Variants in ZBBX observed in about 807,000 individuals in gnomAD.
ZBBX encodes the protein zinc finger B-box domain-containing protein 1.
Under a neutral mutation model 108.5 loss-of-function variants are expected in ZBBX, and 101 were observed. The ratio of observed to expected loss-of-function variants is 0.93; its 90% CI spans 0.79 to 1.10. The LOEUF (loss-of-function observed/expected upper bound fraction) is 1.10. Among genes scored for constraint, ZBBX ranks in the 50% least tolerant of loss-of-function variants. ZBBX has a pLI of 0.00. For synonymous variants in ZBBX, 356 were observed against 323.4 expected, an observed-to-expected ratio of 1.10 and a Z score of -1.08; for missense variants, 1,009 against 941.4, an observed-to-expected ratio of 1.07 and a Z score of -0.94.
At chr3:167,191,188 A>G in the ZBBX span, among the ~76,000 whole-genome samples, 1 of 152,362 alleles carries the variant, frequency 6.6e-6, no homozygotes, top group African/African-American at 2.4e-5. Flanking sequence ...CAGTCTCTAA[A>G]GAATCAAGAG....
At chr3:167,245,551 G>A (rs1011064333) in intron 20 of ZBBX, among the ~76,000 whole-genome samples, 19 of 152,084 alleles carry the variant, frequency 1.2e-4, no homozygotes, top group African/African-American at 4.6e-4. Context: ...CAAATCTCAT[G>A]TCAAATTATC....
intron 20 of ZBBX, among the ~76,000 whole-genome samples, chr3:167,250,407 T>A (rs888588941): frequency 2.0e-5 from 3 of 152,128 alleles, no homozygotes; most frequent in Non-Finnish European, 4.4e-5. Context: ...TTCACCAGGG[T>A]GAAACAGCTC....
Position 167,264,110 on chromosome 3 carries a change from A to G in ZBBX, c.2254+18128T>C, listed in dbSNP as rs540020078. Among the ~76,000 whole-genome samples the G allele has an allele frequency of 3.3e-5, 5 of 152,224 alleles. No homozygotes were observed. The East Asian group carries it at 9.7e-4, about 29-fold the overall frequency. ...CAGTTCATGTGTATCTTTCAGGTAAAGTAAGTTTCTTATAGGCAACACATC... is the reference window on the plus strand; with the variant it reads ...CAGTTCATGTGTATCTTTCAGGTAAGGTAAGTTTCTTATAGGCAACACATC... On this transcript the variant is annotated intron_variant, in intron 20 of 21. Coordinates refer to ENST00000675490, the MANE Select transcript of ZBBX (RefSeq NM_001199201.2).
chr3:167,400,983 T>G (rs1748407939), intron 1 of ZBBX, among the ~76,000 whole-genome samples: 2 of 152,140 alleles, frequency 1.3e-5, no homozygotes, highest in Admixed American at 1.3e-4. Context: ...GCTTGACTTT[T>G]CCCTTTAGCT....
chr3:167,373,504 T>G (rs1746479061), intron 3 of ZBBX, among the ~76,000 whole-genome samples: 1 of 152,122 alleles, frequency 6.6e-6, no homozygotes, highest in Non-Finnish European at 1.5e-5. Context: ...GGGGCACCAA[T>G]CCCCCAAAAA....
chr3:167,221,270 A>G, the ZBBX span, among the ~76,000 whole-genome samples: 15 of 72,818 alleles, frequency 2.1e-4, no homozygotes, highest in East Asian at 3.0e-3. Flanking sequence ...AAGTTATACT[A>G]CAGAGCTGTA....
At chr3:167,234,629 C>A in the ZBBX span, among the ~76,000 whole-genome samples, 1 of 151,758 alleles carries the variant, frequency 6.6e-6, no homozygotes, top group African/African-American at 2.4e-5. Context: ...CCACATAATT[C>A]AAACCACATT....
intron 1 of ZBBX, among the ~76,000 whole-genome samples, chr3:167,407,335 A>T (rs1748616463): frequency 6.6e-6 from 1 of 152,174 alleles, no homozygotes; most frequent in South Asian, 2.1e-4. Flanking sequence ...GTCCAATGCT[A>T]ATGTCCATAC....
intron 17 of ZBBX, among the ~76,000 whole-genome samples, chr3:167,301,778 A>C (rs943060582): frequency 5.9e-5 from 9 of 152,002 alleles, no homozygotes; most frequent in Non-Finnish European, 8.8e-5. Context: ...TAACACGATG[A>C]AACCCCATCT....
chr3:167,236,470 A>AT (rs1172213652), downstream of ZBBX, among the ~76,000 whole-genome samples: 1 of 151,830 alleles, frequency 6.6e-6, no homozygotes, highest in Non-Finnish European at 1.5e-5. Context: ...TCATTACTTC[A>AT]TTTGATTTTC....
At chr3:167,388,510 G>A (rs2108635770) in intron 1 of ZBBX, among the ~76,000 whole-genome samples, 1 of 152,090 alleles carries the variant, frequency 6.6e-6, no homozygotes, top group East Asian at 1.9e-4. Flanking sequence ...CAATCTTCCA[G>A]AAAAGACAAT....
At chr3:167,395,410 C>T (rs1020040480) in intron 1 of ZBBX, among the ~76,000 whole-genome samples, 3 of 151,954 alleles carry the variant, frequency 2.0e-5, no homozygotes, top group African/African-American at 7.2e-5. Context: ...TGTACAATAA[C>T]AGGCAGGAGT....
At chr3:167,188,244 CAA>C in the ZBBX span, among the ~76,000 whole-genome samples, 1 of 152,082 alleles carries the variant, frequency 6.6e-6, no homozygotes, top group Non-Finnish European at 1.5e-5. Flanking sequence ...TTTCAATTAT[CAA>C]AACATTCATT....
At chr3:167,297,602 G>A (rs1428964522) in intron 18 of ZBBX, among the ~76,000 whole-genome samples, 9 of 151,912 alleles carry the variant, frequency 5.9e-5, no homozygotes, top group Non-Finnish European at 1.2e-4. Context: ...GCAATCCACA[G>A]AATGGGAGGA....
At position 167,283,789 on chromosome 3, in the gene ZBBX, C is replaced by T. The variant is rs188936974; in HGVS notation, c.1997-1294G>A. 9.1e-3 allele frequency among the ~76,000 whole-genome samples: 1,379 copies of T among 152,130 alleles called. 24 individuals carry two copies. Among genetic ancestry groups the T allele is most frequent in the African/African-American group, 0.031 (1,301 of 41,484 alleles). On this transcript the variant is annotated intron_variant, in intron 19 of 21. Transcript: ENST00000675490. ...GGCTCCCAAGCTGGGATTACAGGCG[C>T]GTGCCACCACACCCAGCTAATTTTT...
the ZBBX span, among the ~76,000 whole-genome samples, chr3:167,234,574 G>A: frequency 8.6e-5 from 13 of 151,916 alleles, no homozygotes; most frequent in East Asian, 1.4e-3. Context: ...GTATAATAGC[G>A]TCCCTTAAAT....
chr3:167,279,015 AT>A (rs1728243084), intron 20 of ZBBX, among the ~76,000 whole-genome samples: 1 of 152,124 alleles, frequency 6.6e-6, no homozygotes, highest in South Asian at 2.1e-4. Flanking sequence ...GATTATCTCA[AT>A]AGATGCAGAA....
At chr3:167,208,723 C>T in the ZBBX span, among the ~76,000 whole-genome samples, 1 of 152,150 alleles carries the variant, frequency 6.6e-6, no homozygotes, top group Admixed American at 6.6e-5. Context: ...TCATATGTGA[C>T]CCAGTGCATA....
chr3:167,306,641 G>A (rs1378622761), intron 16 of ZBBX, among the ~76,000 whole-genome samples: 1 of 152,148 alleles, frequency 6.6e-6, no homozygotes, highest in Non-Finnish European at 1.5e-5. Context: ...TGGAACTCAG[G>A]CATTGGTCTT....
Sources: allele counts gnomAD v4.1 joint callset (sites outside exome capture counted in the v4.1 genomes callset), GRCh38; gene constraint gnomAD v4.1.1; transcripts MANE v1.5; gene names NCBI Gene and HGNC (gene_info 2026-07-23, HGNC 2026-07-21).